The following COL7A1 variants were observed in gnomAD, a reference collection of about 807,000 sequenced individuals.
The protein encoded by COL7A1 is collagen type VII alpha 1 chain, also known as collagen alpha-1(VII) chain.
A neutral mutation model predicts 456.2 loss-of-function variants in COL7A1; 296 were observed. The ratio of observed to expected loss-of-function variants is 0.65; its 90% confidence interval spans 0.59 to 0.71. The LOEUF is 0.71. Ranked by LOEUF, COL7A1 falls within the 30% of genes least tolerant of loss-of-function variation. COL7A1 has a pLI of 0.00. For synonymous variants in COL7A1, 1,464 were observed against 1,525.9 expected (o/e 0.96, Z 0.95); for missense variants, 3,441 against 4,017.2 (o/e 0.86, Z 3.88).
intron 71 of COL7A1, 50 bp downstream of exon 71, chr3:48,576,199 C>T (rs771171141): frequency 6.2e-6 from 10 of 1,611,678 alleles, no homozygotes; most frequent in Middle Eastern, 2.0e-4. Context: ...CAAGGTGGCC[C>T]CAATGGGCAT....
Position 48,591,802 on chromosome 3 carries a change from C to T in COL7A1, c.1378G>A (p.Val460Met). 2 of 1,614,194 alleles carry T rather than the reference C, an allele frequency of 1.2e-6. No homozygotes were observed. Among genetic ancestry groups the T allele is most frequent in the Non-Finnish European group, 1.7e-6 (2 of 1,180,030 alleles). ...CGGGTCACATCAGAGGGCAGTACCACCTTCTGCGGTGGCTCCAAGCCTGCA... is the reference window on the plus strand; with the variant it reads ...CGGGTCACATCAGAGGGCAGTACCATCTTCTGCGGTGGCTCCAAGCCTGCA... The part of the protein sequence containing the change: ...RETGLEPPQK[V>M]VLPSDVTRYQ... The change falls in exon 12 of 119, where the codon GTG (valine) becomes ATG (methionine). Residue 460 changes from valine (V) to methionine (M), a missense_variant. By Grantham distance (21) the Val-to-Met change is conservative. This residue lies in a region of COL7A1 where 913 missense variants were observed against 1,088.2 expected (regional missense o/e 0.84). Transcript: ENST00000681320. The surrounding 1 kb of genome is among the most constrained non-coding windows in gnomAD (Gnocchi z 7.0).
At position 48,587,045 on chromosome 3, in the gene COL7A1, C is replaced by T. The variant is rs753761607; in HGVS notation, c.3203G>A (p.Arg1068His). 3.2e-5 allele frequency: 51 copies of T among 1,608,618 alleles called. No individual in the cohort carries two copies. In the Middle Eastern group the frequency reaches 4.9e-4, roughly 16 times the overall value. The change falls in exon 25 of 119, where the codon CGT becomes CAT. Residue 1068 changes from arginine to histidine, a missense_variant. Physicochemically the swap from Arg to His is conservative, Grantham distance 29. Coordinates refer to ENST00000681320, the MANE Select transcript of COL7A1 (RefSeq NM_000094.4). This position sits in a 1 kb window ranked among gnomAD's most constrained non-coding sequence, Gnocchi z 6.1. ...LPHATQDNAH[R>H]AEATRRVLER... ...CAGGACCCTCCTCGTAGCCTCCGCACGGTGAGCATTGTCTTGAGTGGCATG... is the reference window on the plus strand; with the variant it reads ...CAGGACCCTCCTCGTAGCCTCCGCATGGTGAGCATTGTCTTGAGTGGCATG...
Position 48,586,903 on chromosome 3 carries a change from G to C in COL7A1, c.3276+69C>G. 6.4e-7 allele frequency: 1 copy of C among 1,552,502 alleles called. No homozygotes were observed. Among genetic ancestry groups the C allele is most frequent in the Non-Finnish European group, 8.7e-7 (1 of 1,147,650 alleles). On this transcript the variant is annotated intron_variant, in intron 25 of 118. Transcript: ENST00000681320. The surrounding 1 kb of genome is among the most constrained non-coding windows in gnomAD (Gnocchi z 5.1). ...TGAACCTATTGGGTGGTCAGGAGAT[G>C]GTAACTGGTATGGAGCCTGGGTGGG...
chr3:48,588,563 T>A lies in COL7A1; in HGVS notation c.2587+79A>T. ...GCTCACTACCAATCCTGGTCCTTTC[T>A]CCAATCCAGAGCACAAGCCCGGATC... On this transcript the variant is annotated intron_variant, in intron 20 of 118. Coordinates refer to ENST00000681320, the MANE Select transcript of COL7A1 (RefSeq NM_000094.4). This position sits in a 1 kb window ranked among gnomAD's most constrained non-coding sequence, Gnocchi z 4.6. 1 of 1,611,670 alleles carries A rather than the reference T, an allele frequency of 6.2e-7. No individual in the cohort carries two copies. The highest frequency in any genetic ancestry group is 8.5e-7 in the Non-Finnish European group (1 of 1,179,112).
rs775960525 is a variant in COL7A1, at chr3:48,571,146, G to A, written c.7119C>T (p.Val2373=). The change falls in exon 94 of 119, where the codon GTC becomes GTT. Residue 2373 remains valine, a synonymous_variant. Coordinates refer to ENST00000681320, the MANE Select transcript of COL7A1 (RefSeq NM_000094.4). The surrounding 1 kb of genome is among the most constrained non-coding windows in gnomAD (Gnocchi z 4.6). ...GPKGFKGDPG[V]GVPGSPGPPG... is the part of the protein sequence containing the mutation. ...GAGGCCCAGGGGAGCCCGGGACCCC[G>A]ACTCCTGGGTCACCCTTTGAGGAAA... The A allele has an allele frequency of 5.6e-6, 9 of 1,614,020 alleles. No individual in the cohort carries two copies. The highest frequency in any genetic ancestry group is 1.6e-4 in the Middle Eastern group (1 of 6,062).
At chr3:48,577,173 G>A (rs964737735) in intron 65 of COL7A1, 146 bp from the exon 66 acceptor site, 70 of 1,126,182 alleles carry the variant, frequency 6.2e-5, no homozygotes, top group East Asian at 3.0e-4. Flanking sequence ...GCCTGTGGCC[G>A]TCTGAGTGAG....
At position 48,569,624 on chromosome 3, in the gene COL7A1, GC is replaced by G; in HGVS notation, c.7581del (p.Pro2528LeufsTer103). 1.2e-6 allele frequency: 2 copies of G among 1,613,814 alleles called. No individual in the cohort carries two copies. The highest frequency in any genetic ancestry group is 1.7e-6 in the Non-Finnish European group (2 of 1,179,854). ...GDKGDSAVILGPPGPRGAKGD... is the reference protein window; with the variant it reads ...GDKGDSAVILXPPGPRGAKGD... ...CCCTTGGCACCCCGTGGGCCTGGAG[GC>G]CCCAGGATCACAGCTGAGTCTCCCT... On this transcript the variant is annotated frameshift_variant, in exon 102 of 119. Transcript: ENST00000681320. LOFTEE classifies it high-confidence loss of function. The surrounding 1 kb of genome is among the most constrained non-coding windows in gnomAD (Gnocchi z 4.9).
In COL7A1 at chr3:48,573,734, G is replaced by C. The variant is rs1237881288; in HGVS notation, c.6538-9C>G. On this transcript the variant is annotated splice_polypyrimidine_tract_variant and intron_variant, in intron 81 of 118. Coordinates refer to ENST00000681320, the MANE Select transcript of COL7A1 (RefSeq NM_000094.4). The surrounding 1 kb of genome is among the most constrained non-coding windows in gnomAD (Gnocchi z 5.5). ...GGGTCTCCATGACCACCCTGTTGTG[G>C]CGAAAAAGAGTCTGATGAGGGGGAG... 6.2e-7 allele frequency: 1 copy of C among 1,613,498 alleles called. No homozygotes were observed. Among genetic ancestry groups the C allele is most frequent in the African/African-American group, 1.3e-5 (1 of 74,878 alleles).
rs2044955280 is a variant in COL7A1, at chr3:48,583,615, C to T, written c.4342G>A (p.Gly1448Ser). Reference protein sequence around the residue: ...VGPPGKKGEKGDSEDGAPGLP... With the variant: ...VGPPGKKGEKSDSEDGAPGLP... ...CCTGGAGCTCCATCCTCAGAGTCAC[C>T]CTGAAGGAGAAACACACGGGTGGGA... The change falls in exon 41 of 119, where the codon GGT becomes AGT. Residue 1448 changes from glycine to serine, a missense_variant and splice_region_variant. Physicochemically the swap from Gly to Ser is moderately conservative, Grantham distance 56. Around this residue, in one of 3 missense-constraint regions of COL7A1, gnomAD observed 2,084 missense variants for 2,501.3 expected, o/e 0.83. Coordinates refer to ENST00000681320, the MANE Select transcript of COL7A1 (RefSeq NM_000094.4). The surrounding 1 kb of genome is among the most constrained non-coding windows in gnomAD (Gnocchi z 5.1). 1 of 1,613,926 alleles carries T rather than the reference C, an allele frequency of 6.2e-7. No individual in the cohort carries two copies. Among genetic ancestry groups the T allele is most frequent in the African/African-American group, 1.3e-5 (1 of 74,900 alleles).
Position 48,566,836 on chromosome 3 carries a change from T to C in COL7A1, c.8226+71A>G. On this transcript the variant is annotated intron_variant, in intron 111 of 118. Transcript: ENST00000681320. The surrounding 1 kb of genome is among the most constrained non-coding windows in gnomAD (Gnocchi z 5.9). ...GCTTCAGAGGTTGGGGCAGGCAGGC[T>C]GGAAGATGGTTATGAGGTTGGAAGG... 1.3e-6 allele frequency: 2 copies of C among 1,581,836 alleles called. No homozygotes were observed. The highest frequency in any genetic ancestry group is 2.3e-5 in the East Asian group (1 of 44,108).
In COL7A1 at chr3:48,583,321, C is replaced by G; in HGVS notation, c.4437+72G>C. On this transcript the variant is annotated intron_variant, in intron 42 of 118. Transcript: ENST00000681320. This position sits in a 1 kb window ranked among gnomAD's most constrained non-coding sequence, Gnocchi z 5.1. Reference sequence around the variant, plus strand: ...GAGGGAACTCTTATCTCCTTATCTTCCAGCCTCCCCTAACACCATGGGGAG... The same window carrying G: ...GAGGGAACTCTTATCTCCTTATCTTGCAGCCTCCCCTAACACCATGGGGAG... 7 of 1,611,478 alleles carry G rather than the reference C, an allele frequency of 4.3e-6. No individual in the cohort carries two copies. The highest frequency in any genetic ancestry group is 5.1e-6 in the Non-Finnish European group (6 of 1,177,866).
intron 18 of COL7A1, 32 bp from the exon 19 acceptor site, chr3:48,589,027 T>C (rs779898174): frequency 1.9e-6 from 3 of 1,612,752 alleles, no homozygotes; most frequent in South Asian, 2.2e-5. Context: ...GGGGTCCTGG[T>C]AGAGAACAGA....
rs2107801463 is a variant in COL7A1, at chr3:48,593,597, T to C, written c.366A>G (p.Ala122=). 2.5e-6 allele frequency: 4 copies of C among 1,614,182 alleles called. No individual in the cohort carries two copies. Among genetic ancestry groups the C allele is most frequent in the Non-Finnish European group, 3.4e-6 (4 of 1,180,028 alleles). The part of the protein sequence containing the change: ...YKGGNTRTGA[A]ILHVADHVFL... ...AGACATGGTCAGCCACATGGAGAAT[T>C]GCAGCCCCTGTGCGAGTGTTGCCCC... Residue 122 remains alanine (A), a synonymous_variant, in exon 4 of 119, where the codon GCA becomes GCG. Transcript: ENST00000681320. This position sits in a 1 kb window ranked among gnomAD's most constrained non-coding sequence, Gnocchi z 4.4.
chr3:48,578,962 G>C lies in COL7A1; in HGVS notation c.5389-8C>G. 2 of 1,614,018 alleles carry C rather than the reference G, an allele frequency of 1.2e-6. No individual in the cohort carries two copies. Among genetic ancestry groups the C allele is most frequent in the East Asian group, 2.2e-5 (1 of 44,878 alleles). Reference sequence around the variant, plus strand: ...AGCTTTGCCTGCAGCACCCTGAGGAGAGACTCAAAGTCAGTTCATCATGGT... The same window carrying C: ...AGCTTTGCCTGCAGCACCCTGAGGACAGACTCAAAGTCAGTTCATCATGGT... On this transcript the variant is annotated splice_region_variant and splice_polypyrimidine_tract_variant and intron_variant, in intron 62 of 118. Transcript: ENST00000681320. This position sits in a 1 kb window ranked among gnomAD's most constrained non-coding sequence, Gnocchi z 4.7.
chr3:48,583,265 C>T lies in COL7A1; in HGVS notation c.4438-94G>A. On this transcript the variant is annotated intron_variant, in intron 42 of 118. Transcript: ENST00000681320. This position sits in a 1 kb window ranked among gnomAD's most constrained non-coding sequence, Gnocchi z 5.1. ...CAGACAAGGGGTCCCAAACTCCAACCACCCCCTCCAAAACCACGACCTCTG... is the reference window on the plus strand; with the variant it reads ...CAGACAAGGGGTCCCAAACTCCAACTACCCCCTCCAAAACCACGACCTCTG... 1.9e-6 allele frequency: 3 copies of T among 1,601,714 alleles called. No individual in the cohort carries two copies. Among genetic ancestry groups the T allele is most frequent in the Non-Finnish European group, 2.6e-6 (3 of 1,172,116 alleles).
chr3:48,577,660 A>AGTCTGGGTGGAAGT (rs2044408387), intron 65 of COL7A1, among the ~76,000 whole-genome samples: 1 of 152,146 alleles, frequency 6.6e-6, no homozygotes, highest in Non-Finnish European at 1.5e-5. Context: ...TTAGCACATG[A>AGTCTGGGTGGAAGT]GTCTGGGTGG....
chr3:48,577,839 A>C lies in COL7A1; in HGVS notation c.5532+482T>G, dbSNP rs569317804. 6.0e-4 allele frequency among the ~76,000 whole-genome samples: 91 copies of C among 152,162 alleles called. 3 individuals carry two copies. Among genetic ancestry groups the C allele is most frequent in the Non-Finnish European group, 3.4e-4 (23 of 67,992 alleles). ...AATTGGCCCATTCACCTAACTCCCT[A>C]TGTGTCTGTGAGGCTGCCTGTGTGT... On this transcript the variant is annotated intron_variant, in intron 65 of 118. Coordinates refer to ENST00000681320, the MANE Select transcript of COL7A1 (RefSeq NM_000094.4).
rs2044915910 is a variant in COL7A1 at position 48,583,250 on chromosome 3, G to A, written c.4438-79C>T. On this transcript the variant is annotated intron_variant, in intron 42 of 118. Coordinates refer to ENST00000681320, the MANE Select transcript of COL7A1 (RefSeq NM_000094.4). The surrounding 1 kb of genome is among the most constrained non-coding windows in gnomAD (Gnocchi z 5.1). ...TTGAACGTCAAACCCCAGACAAGGG[G>A]TCCCAAACTCCAACCACCCCCTCCA... The A allele has an allele frequency of 4.4e-6, 7 of 1,603,456 alleles. No individual in the cohort carries two copies. Among genetic ancestry groups the A allele is most frequent in the Non-Finnish European group, 6.0e-6 (7 of 1,173,832 alleles).
rs151032217 is a variant in COL7A1, at chr3:48,576,722, G to A, written c.5654C>T (p.Pro1885Leu). 27 of 1,611,090 alleles carry A rather than the reference G, an allele frequency of 1.7e-5. No homozygotes were observed. The Middle Eastern group carries it at 5.0e-4, about 30-fold the overall frequency. ...CCCTGGGAGGCCTGGAGGCCCCTGG[G>A]GTCCAAGGATACCAGGAGCTCCACG... ...GERGAPGILG[P>L]QGPPGLPGPV... is the part of the protein sequence containing the mutation. Residue 1885 changes from proline (P) to leucine (L), a missense_variant, in exon 68 of 119, where the codon CCC (proline) becomes CTC (leucine). Coordinates refer to ENST00000681320, the MANE Select transcript of COL7A1 (RefSeq NM_000094.4).
Sources: allele counts gnomAD v4.1 joint callset (sites outside exome capture counted in the v4.1 genomes callset), GRCh38; gene constraint gnomAD v4.1.1; regional missense constraint gnomAD v4.1.1; non-coding constraint Gnocchi (gnomAD v3.1); transcripts MANE v1.5; gene names NCBI Gene and HGNC (gene_info 2026-07-23, HGNC 2026-07-21).